Variants in SMG6 observed in about 807,000 individuals in gnomAD.
SMG6 encodes SMG6 nonsense mediated mRNA decay factor.
SMG6 carries 66 observed loss-of-function variants against 142.2 expected under a neutral mutation model. That is an observed-to-expected ratio of 0.46 (90% CI 0.38 to 0.57). SMG6 has a LOEUF of 0.57. SMG6 is among the 20% of genes least tolerant of loss of function. The pLI, the probability that SMG6 is intolerant of heterozygous loss-of-function variation, is 0.00. For missense variants in SMG6, 1,793 were observed against 1,832.0 expected (o/e 0.98, Z 0.39); for synonymous variants, 779 against 702.4 (o/e 1.11, Z -1.72).
intron 13 of SMG6, among the ~76,000 whole-genome samples, chr17:2,162,897 T>G (rs1306882579): frequency 1.3e-5 from 2 of 152,158 alleles, no homozygotes; most frequent in Non-Finnish European, 2.9e-5. Flanking sequence ...AGTGGTGCAA[T>G]CTAGGCTGAG....
intron 18 of SMG6, 25 bp from the exon 19 acceptor site, chr17:2,061,647 C>A (rs1463895747): frequency 6.4e-7 from 1 of 1,561,850 alleles, no homozygotes; most frequent in Admixed American, 1.9e-5. Context: ...GAGCAGAAGG[C>A]TGTCACTGAG....
At chr17:2,170,297 C>T (rs1369151897) in intron 13 of SMG6, among the ~76,000 whole-genome samples, 2 of 152,168 alleles carry the variant, frequency 1.3e-5, no homozygotes, top group African/African-American at 4.8e-5. Context: ...AAAACACATA[C>T]GTGGTATCTG....
intron 14 of SMG6, 86 bp from the exon 15 acceptor site, chr17:2,082,042 C>T (rs764105540): frequency 9.6e-6 from 14 of 1,451,628 alleles, no homozygotes; most frequent in Non-Finnish European, 1.3e-5. Flanking sequence ...GCCCTTGTGG[C>T]CCCTCACCCA....
chr17:2,094,780 C>G (rs1282419122), intron 13 of SMG6: 1 of 152,182 alleles, frequency 6.6e-6, no homozygotes, highest in Non-Finnish European at 1.5e-5. Flanking sequence ...GTATTTTCTA[C>G]CCACCTGAAT....
intron 5 of SMG6, 68 bp from the exon 6 acceptor site, chr17:2,292,698 C>T (rs2075064816): frequency 6.4e-7 from 1 of 1,564,812 alleles, no homozygotes; most frequent in Non-Finnish European, 8.8e-7. Flanking sequence ...ATCCTGATAG[C>T]CCTAATACTT....
chr17:2,279,967 C>T (rs1597775092), intron 8 of SMG6, among the ~76,000 whole-genome samples: 1 of 152,166 alleles, frequency 6.6e-6, no homozygotes, highest in South Asian at 2.1e-4. Context: ...CTCATGCTTG[C>T]CTTTATCACA....
intron 10 of SMG6, among the ~76,000 whole-genome samples, chr17:2,230,801 A>G (rs1222198983): frequency 6.6e-6 from 1 of 152,184 alleles, no homozygotes; most frequent in African/African-American, 2.4e-5. Flanking sequence ...AGCCTAACCT[A>G]TTCTGACCTT....
At chr17:2,134,419 C>CAAA (rs58429166) in intron 13 of SMG6, among the ~76,000 whole-genome samples, 1,250 of 28,688 alleles carry the variant, frequency 0.044, 376 homozygotes, top group African/African-American at 0.14. Flanking sequence ...GACTCCATCT[C>CAAA]AAAAAAAAAA....
chr17:2,300,434 T>C lies in SMG6; in HGVS notation c.319A>G (p.Asn107Asp), dbSNP rs1270114712. 6.2e-7 allele frequency: 1 copy of C among 1,614,248 alleles called. No individual in the cohort carries two copies. Among genetic ancestry groups the C allele is most frequent in the African/African-American group, 1.3e-5 (1 of 75,066 alleles). ...VCKELNNQEQ[N>D]GPIDPENNRG... ...TTATTTTCTGGGTCTATAGGACCATTCTGCTCTTGGTTGTTCAGTTCCTTG... is the reference window on the plus strand; with the variant it reads ...TTATTTTCTGGGTCTATAGGACCATCCTGCTCTTGGTTGTTCAGTTCCTTG... The change falls in exon 2 of 19, where the codon AAT becomes GAT. Residue 107 changes from asparagine (N) to aspartate (D), a missense_variant. Around this residue, in one of 3 missense-constraint regions of SMG6, gnomAD observed 1,597 missense variants for 1,584.6 expected, o/e 1.01. Coordinates refer to ENST00000263073, the MANE Select transcript of SMG6 (RefSeq NM_017575.5).
rs117068193 is a variant in SMG6, at chr17:2,300,699, G to A, written c.89-35C>T. ...CGGGGAAAGAGTTTGGGAGGGAAAG[G>A]TAGAAGATAAGAATAAAGAAGGAAG... On this transcript the variant is annotated intron_variant, in intron 1 of 18. Transcript: ENST00000263073. 0.027 allele frequency: 41,345 copies of A among 1,517,560 alleles called. 783 individuals carry two copies. Among genetic ancestry groups the A allele is most frequent in the South Asian group, 0.063 (4,774 of 75,936 alleles). 94.0% of individuals were successfully genotyped at this position (1,517,560 alleles called of 1,614,324 possible). A position where few individuals can be genotyped will look rare whatever the true frequency, so the allele number is the denominator to read the frequency against.
intron 13 of SMG6, chr17:2,087,815 T>A: frequency 1.0e-6 from 1 of 985,830 alleles, no homozygotes; most frequent in Non-Finnish European, 1.2e-6. Flanking sequence ...GCCTCTCACT[T>A]GCATAGGAAA....
intron 13 of SMG6, among the ~76,000 whole-genome samples, chr17:2,133,988 A>G (rs2070208180): frequency 6.6e-6 from 1 of 152,184 alleles, no homozygotes; most frequent in African/African-American, 2.4e-5. Context: ...GAGCCCGAAC[A>G]CTAGCCCTGG....
chr17:2,184,822 G>A (rs974657781), intron 12 of SMG6, among the ~76,000 whole-genome samples: 7 of 151,022 alleles, frequency 4.6e-5, no homozygotes, highest in Middle Eastern at 3.4e-3. Flanking sequence ...AAAATTAGCC[G>A]GGTGTGGTGG....
rs776004316 is a variant in SMG6 at position 2,300,031 on chromosome 17, G to T, written c.722C>A (p.Ala241Glu). ...TTTGTCTGAGCGGGAGTAGCGCTTT[G>T]CGGAGCCCGGCCTCCCGCGGGCTGG... Reference protein sequence around the residue: ...DDPARGRPGSAKRYSRSDKRR... With the variant: ...DDPARGRPGSEKRYSRSDKRR... The change falls in exon 2 of 19, where the codon GCA (alanine) becomes GAA (glutamate). Residue 241 changes from alanine to glutamate, a missense_variant. Coordinates refer to ENST00000263073, the MANE Select transcript of SMG6 (RefSeq NM_017575.5). 6.2e-7 allele frequency: 1 copy of T among 1,614,162 alleles called. No individual in the cohort carries two copies.
chr17:2,087,605 G>A, intron 13 of SMG6: 1 of 998,776 alleles, frequency 1.0e-6, no homozygotes, highest in Non-Finnish European at 1.2e-6. Context: ...GGGGTGCCTG[G>A]TCCTGGGCTT....
intron 10 of SMG6, among the ~76,000 whole-genome samples, chr17:2,193,297 T>C (rs1265930475): frequency 2.0e-5 from 3 of 152,218 alleles, no homozygotes; most frequent in Non-Finnish European, 4.4e-5. Flanking sequence ...CCTTCTGCCA[T>C]GATTGTAGCC....
rs1351869119 is a variant in SMG6, at chr17:2,081,884, T to C, written c.3607A>G (p.Arg1203Gly). The part of the protein sequence containing the change: ...AEGSGGEDDI[R>G]ELRAKKLALA... ...GCCAGCTTCTTGGCCCGAAGCTCCC[T>C]GATGTCATCCTCGCCTCCGCTGCCT... is the stretch of plus-strand genomic sequence containing the variant. Residue 1203 changes from arginine to glycine, a missense_variant, in exon 15 of 19, where the codon AGG (arginine) becomes GGG (glycine). Around this residue, in one of 3 missense-constraint regions of SMG6, gnomAD observed 1,597 missense variants for 1,584.6 expected, o/e 1.01. Transcript: ENST00000263073. 1 of 1,614,186 alleles carries C rather than the reference T, an allele frequency of 6.2e-7. No homozygotes were observed. The highest frequency in any genetic ancestry group is 8.5e-7 in the Non-Finnish European group (1 of 1,180,040).
At chr17:2,285,911 T>C (rs1021402015) in intron 6 of SMG6, among the ~76,000 whole-genome samples, 14 of 151,948 alleles carry the variant, frequency 9.2e-5, no homozygotes, top group African/African-American at 3.1e-4. Flanking sequence ...TGACCTCAAG[T>C]GATCCGCCTG....
At chr17:2,132,985 TTGTAATCCCAG>T (rs2070172861) in intron 13 of SMG6, among the ~76,000 whole-genome samples, 3 of 152,206 alleles carry the variant, frequency 2.0e-5, no homozygotes, top group Non-Finnish European at 2.9e-5. Flanking sequence ...ATTCACCATG[TTGTAATCCCAG>T]CACTTTGGGA....
Sources: allele counts gnomAD v4.1 joint callset (sites outside exome capture counted in the v4.1 genomes callset), GRCh38; gene constraint gnomAD v4.1.1; regional missense constraint gnomAD v4.1.1; transcripts MANE v1.5; gene names NCBI Gene and HGNC (gene_info 2026-07-23, HGNC 2026-07-21).